TACC2: variants seen among roughly 807,000 people sequenced by gnomAD.
The protein encoded by TACC2 is transforming acidic coiled-coil containing protein 2.
Under a neutral mutation model 227.3 loss-of-function variants are expected in TACC2, and 137 were observed. The observed-to-expected ratio is 0.60, with a 90% CI of 0.52 to 0.69. The LOEUF is 0.69. Ranked by LOEUF, TACC2 falls within the 30% of genes least tolerant of loss-of-function variation. The pLI is 0.00. For synonymous variants in TACC2, 1,523 were observed against 1,487.5 expected (o/e 1.02, Z -0.55); for missense variants, 3,470 against 3,694.4 (o/e 0.94, Z 1.57).
intron 1 of TACC2, among the ~76,000 whole-genome samples, chr10:122,011,134 G>A (rs1411834874): frequency 6.6e-6 from 1 of 152,158 alleles, no homozygotes; most frequent in East Asian, 1.9e-4. Context: ...CCTCACCACT[G>A]ACCATTACCC....
chr10:122,135,820 C>G (rs2089503751), intron 6 of TACC2, among the ~76,000 whole-genome samples: 1 of 152,234 alleles, frequency 6.6e-6, no homozygotes, highest in South Asian at 2.1e-4. Flanking sequence ...GCCCTGCCTT[C>G]TTGTCGTGGC....
intron 3 of TACC2, among the ~76,000 whole-genome samples, chr10:122,064,943 A>G (rs572555190): frequency 4.6e-5 from 7 of 152,294 alleles, no homozygotes; most frequent in Non-Finnish European, 1.0e-4. Flanking sequence ...TTCCCAGTCA[A>G]TACCCCTGCC....
At chr10:122,223,233 A>G (rs1170626951) in intron 11 of TACC2, among the ~76,000 whole-genome samples, 2 of 151,792 alleles carry the variant, frequency 1.3e-5, no homozygotes, top group Non-Finnish European at 2.9e-5. Flanking sequence ...TTTAGTAGAG[A>G]TGGGGTTGGC....
At chr10:122,125,343 G>A (rs1419324516) in intron 5 of TACC2, among the ~76,000 whole-genome samples, 1 of 150,566 alleles carries the variant, frequency 6.6e-6, no homozygotes, top group Non-Finnish European at 1.5e-5. Context: ...CTTCAGGTGT[G>A]TGCCACCATG....
rs754373092 is a variant in TACC2 at position 122,084,296 on chromosome 10, C to A, written c.1796C>A (p.Ser599Tyr). 3 of 1,613,840 alleles carry A rather than the reference C, an allele frequency of 1.9e-6. No homozygotes were observed. In the East Asian group the frequency reaches 6.7e-5, roughly 36 times the overall value. The change falls in exon 4 of 23, where the codon TCT becomes TAT. Residue 599 changes from serine (S) to tyrosine (Y), a missense_variant. Physicochemically the swap from Ser to Tyr is moderately radical, Grantham distance 144. Around this residue, in one of 10 missense-constraint regions of TACC2, gnomAD observed 1,924 missense variants for 1,978.3 expected, o/e 0.97. Transcript: ENST00000369005. ...GDPGNLQGED[S>Y]QAFSSKRDPE... Reference sequence around the variant, plus strand: ...CCAGGGAACCTGCAAGGAGAGGACTCTCAGGCTTTCAGCAGCAAGCGTGAT... The same window carrying A: ...CCAGGGAACCTGCAAGGAGAGGACTATCAGGCTTTCAGCAGCAAGCGTGAT...
chr10:122,026,056 C>T (rs762528506), intron 2 of TACC2, among the ~76,000 whole-genome samples: 34 of 150,292 alleles, frequency 2.3e-4, no homozygotes, highest in Non-Finnish European at 2.8e-4. Context: ...CAGTGGCTCA[C>T]GCCTGTAATC....
At chr10:122,010,180 G>A (rs1955747762) in intron 1 of TACC2, among the ~76,000 whole-genome samples, 1 of 152,110 alleles carries the variant, frequency 6.6e-6, no homozygotes, top group Non-Finnish European at 1.5e-5. Context: ...CATGTTGTTT[G>A]TGCTGGAACA....
chr10:122,025,335 A>G (rs1204391021), intron 2 of TACC2, among the ~76,000 whole-genome samples: 2 of 151,638 alleles, frequency 1.3e-5, no homozygotes, highest in Non-Finnish European at 2.9e-5. Flanking sequence ...ATCTTGGCTC[A>G]CTGCAACCTC....
chr10:122,149,174 G>T (rs1205714365), intron 7 of TACC2, among the ~76,000 whole-genome samples: 1 of 152,268 alleles, frequency 6.6e-6, no homozygotes, highest in Non-Finnish European at 1.5e-5. Context: ...AGAGCCTGGT[G>T]TGTTGGACAT....
chr10:122,152,205 C>T (rs965013061), intron 7 of TACC2, among the ~76,000 whole-genome samples: 1 of 152,172 alleles, frequency 6.6e-6, no homozygotes, highest in Non-Finnish European at 1.5e-5. Flanking sequence ...GTCTAAATAC[C>T]GTCTTGCTGA....
chr10:122,078,663 G>A (rs1057243210), intron 3 of TACC2, among the ~76,000 whole-genome samples: 3 of 152,222 alleles, frequency 2.0e-5, no homozygotes, highest in Non-Finnish European at 2.9e-5. Flanking sequence ...ACTCAATCTC[G>A]AAGCATAAAA....
At chr10:122,051,317 G>A (rs10749438) in intron 3 of TACC2, 84,538 of 152,198 alleles carry the variant, frequency 0.56, 24,467 homozygotes, top group East Asian at 0.64. Context: ...TTCCCAAAGT[G>A]CTGGATTATA....
chr10:122,032,433 C>T (rs1454466596), intron 2 of TACC2, among the ~76,000 whole-genome samples: 1 of 152,080 alleles, frequency 6.6e-6, no homozygotes, highest in East Asian at 1.9e-4. Context: ...TGCTAGGGAA[C>T]GTTTGGAAGG....
chr10:122,242,795 A>G (rs1377563091), intron 19 of TACC2, among the ~76,000 whole-genome samples: 1 of 152,032 alleles, frequency 6.6e-6, no homozygotes. Context: ...TAGGTTTATG[A>G]TAATCCATTT....
rs114784947 is a variant in TACC2, at chr10:122,208,744, G to A, written c.5972-1653G>A. On this transcript the variant is annotated intron_variant, in intron 8 of 22. Coordinates refer to ENST00000369005, the MANE Select transcript of TACC2 (RefSeq NM_206862.4). The stretch of plus-strand genomic sequence containing the variant: ...ATGCCGGTGGCAGAAGGGGACTGGG[G>A]GTACATAACACCTGTCACGAGGCAC... 2.6e-3 allele frequency among the ~76,000 whole-genome samples: 398 copies of A among 152,266 alleles called. 1 individual carries two copies. The highest frequency in any genetic ancestry group is 9.2e-3 in the African/African-American group (382 of 41,558).
At chr10:122,152,850 C>T (rs1350422120) in intron 7 of TACC2, among the ~76,000 whole-genome samples, 1 of 152,186 alleles carries the variant, frequency 6.6e-6, no homozygotes, top group Non-Finnish European at 1.5e-5. Flanking sequence ...ACATAATAGG[C>T]TCTGACTGGG....
At chr10:122,078,377 C>T (rs1367453582) in intron 3 of TACC2, among the ~76,000 whole-genome samples, 1 of 152,054 alleles carries the variant, frequency 6.6e-6, no homozygotes, top group Non-Finnish European at 1.5e-5. Context: ...TCCCTTTAAG[C>T]ATTGCATGTG....
At chr10:122,046,347 G>A (rs1398187092) in intron 2 of TACC2, among the ~76,000 whole-genome samples, 11 of 151,796 alleles carry the variant, frequency 7.2e-5, no homozygotes, top group African/African-American at 1.5e-4. Flanking sequence ...GGTGGTGGGC[G>A]CCTGTAGTCC....
At position 122,210,434 on chromosome 10, in the gene TACC2, A is replaced by G; in HGVS notation, c.6009A>G (p.Pro2003=). Reference sequence around the variant, plus strand: ...AGACAGTCCCTGTCCCTGATGGCCCACGGAGCGACTCGGTGGAAGGAAGTC... The same window carrying G: ...AGACAGTCCCTGTCCCTGATGGCCCGCGGAGCGACTCGGTGGAAGGAAGTC... The part of the protein sequence containing the change: ...GSETVPVPDG[P]RSDSVEGSPF... The change falls in exon 9 of 23, where the codon CCA becomes CCG. Residue 2003 remains proline (P), a synonymous_variant. Transcript: ENST00000369005. The surrounding 1 kb of genome is among the most constrained non-coding windows in gnomAD (Gnocchi z 4.6). 1.9e-6 allele frequency: 3 copies of G among 1,614,030 alleles called. No homozygotes were observed. The highest frequency in any genetic ancestry group is 2.5e-6 in the Non-Finnish European group (3 of 1,179,996).
Sources: gnomAD v4.1 joint callset for allele counts (sites outside exome capture counted in the v4.1 genomes callset) on GRCh38, gnomAD v4.1.1 for gene constraint, gnomAD v4.1.1 regional missense constraint, Gnocchi (gnomAD v3.1) non-coding constraint, MANE v1.5 for transcripts, NCBI Gene and HGNC (gene_info 2026-07-23, HGNC 2026-07-21) for gene names.